Variants in NEMF observed in about 807,000 individuals in gnomAD.
The protein encoded by NEMF is nuclear export mediator factor.
Under a neutral mutation model 162.2 loss-of-function variants are expected in NEMF, and 89 were observed. The ratio of observed to expected loss-of-function variants is 0.55; its 90% confidence interval spans 0.46 to 0.65. The LOEUF (loss-of-function observed/expected upper bound fraction) is 0.65. NEMF is among the 30% of genes least tolerant of loss of function. NEMF has a pLI of 0.00. For synonymous variants in NEMF, 421 were observed against 404.5 expected, an observed-to-expected ratio of 1.04 and a Z score of -0.49; for missense variants, 1,133 against 1,261.9, an observed-to-expected ratio of 0.90 and a Z score of 1.55.
intron 18 of NEMF, 93 bp from the exon 19 acceptor site, chr14:49,806,226 A>ATGTGTG: frequency 7.6e-6 from 1 of 131,480 alleles, no homozygotes; most frequent in African/African-American, 1.2e-4. Flanking sequence ...AGGGTCAATG[A>ATGTGTG]TATGTGTATA....
chr14:49,825,461 C>A (rs1313339353), intron 16 of NEMF, among the ~76,000 whole-genome samples: 1 of 152,160 alleles, frequency 6.6e-6, no homozygotes, highest in Non-Finnish European at 1.5e-5. Flanking sequence ...GGAGAACTAG[C>A]TGAGTGCAGA....
intron 5 of NEMF, among the ~76,000 whole-genome samples, chr14:49,838,497 A>C (rs925322168): frequency 6.6e-6 from 1 of 152,174 alleles, no homozygotes; most frequent in Non-Finnish European, 1.5e-5. Flanking sequence ...TTTTCTGTAA[A>C]AGTTAAATGT....
chr14:49,828,299 C>T lies in NEMF; in HGVS notation c.1480G>A (p.Ala494Thr). 1 of 1,603,076 alleles carries T rather than the reference C, an allele frequency of 6.2e-7. No individual in the cohort carries two copies. Among genetic ancestry groups the T allele is most frequent in the Non-Finnish European group, 8.5e-7 (1 of 1,171,308 alleles). Reference sequence around the variant, plus strand: ...TAAGAAATACTCAGTACCTTCTCAGCAGCTTCAACAGTCTTTTGTGTTTTC... The same window carrying T: ...TAAGAAATACTCAGTACCTTCTCAGTAGCTTCAACAGTCTTTTGTGTTTTC... ...AKKTQKTVEAAEKAFKSAEKK... is the reference protein window; with the variant it reads ...AKKTQKTVEATEKAFKSAEKK... The change falls in exon 15 of 33, where the codon GCT becomes ACT. Residue 494 changes from alanine to threonine, a missense_variant. Coordinates refer to ENST00000298310, the MANE Select transcript of NEMF (RefSeq NM_004713.6).
rs776612277 is a variant in NEMF at position 49,782,961 on chromosome 14, T to G, written c.*1675A>C. 2 of 1,610,322 alleles carry G rather than the reference T, an allele frequency of 1.2e-6. No individual in the cohort carries two copies. Among genetic ancestry groups the G allele is most frequent in the Non-Finnish European group, 1.7e-6 (2 of 1,178,548 alleles). The stretch of plus-strand genomic sequence containing the variant: ...AACACTTCTGGATCTTAAGGCTTCA[T>G]AAATAATGCCTATGATCACCTTGCA... On this transcript the variant is annotated 3_prime_UTR_variant, in exon 33 of 33. Transcript: ENST00000298310.
Position 49,803,237 on chromosome 14 carries a change from C to T in NEMF, c.1915G>A (p.Gly639Arg), listed in dbSNP as rs1891034897. The stretch of plus-strand genomic sequence containing the variant: ...GATATTTTTCCTGTCAAGACATTAC[C>T]TCTTATCATGAAGCTTCCTGTTGTC... Reference protein sequence around the residue: ...YLTTGSFMIRGKKNFLPPSYL... With the variant: ...YLTTGSFMIRRKKNFLPPSYL... The change falls in exon 20 of 33, where the codon GGA becomes AGA. Residue 639 changes from glycine (G) to arginine (R), a missense_variant and splice_region_variant. Around this residue, in one of 3 missense-constraint regions of NEMF, gnomAD observed 532 missense variants for 578.6 expected, o/e 0.92. Coordinates refer to ENST00000298310, the MANE Select transcript of NEMF (RefSeq NM_004713.6). 2 of 1,605,874 alleles carry T rather than the reference C, an allele frequency of 1.2e-6. No homozygotes were observed. The highest frequency in any genetic ancestry group is 1.1e-5 in the South Asian group (1 of 90,866).
chr14:49,817,740 TA>T (rs1404013668), intron 16 of NEMF, among the ~76,000 whole-genome samples: 2 of 152,146 alleles, frequency 1.3e-5, no homozygotes, highest in Non-Finnish European at 2.9e-5. Context: ...ACAAAGTCTT[TA>T]AAAAAACACT....
chr14:49,824,527 A>G (rs1892241922), intron 16 of NEMF, among the ~76,000 whole-genome samples: 1 of 146,820 alleles, frequency 6.8e-6, no homozygotes, highest in Non-Finnish European at 1.5e-5. Flanking sequence ...CTGGGCAATA[A>G]AAGTGAAATT....
intron 4 of NEMF, among the ~76,000 whole-genome samples, chr14:49,841,696 T>C (rs6572622): frequency 0.95 from 144,545 of 152,248 alleles, 69,094 homozygotes; most frequent in Non-Finnish European, 1. Flanking sequence ...AATAGTTACA[T>C]GGCAAGAGCA....
At chr14:49,826,202 A>G (rs560086609) in intron 15 of NEMF, among the ~76,000 whole-genome samples, 3 of 152,286 alleles carry the variant, frequency 2.0e-5, no homozygotes, top group African/African-American at 4.8e-5. Context: ...CCCAAGACCT[A>G]CAAAGTAATA....
At chr14:49,799,154 G>A (rs1890829397) in intron 25 of NEMF, among the ~76,000 whole-genome samples, 1 of 126,130 alleles carries the variant, frequency 7.9e-6, no homozygotes. Context: ...GCTGCAGTGA[G>A]CCATGACTGC....
chr14:49,787,670 T>TG (rs763994011), intron 28 of NEMF, among the ~76,000 whole-genome samples: 2 of 152,124 alleles, frequency 1.3e-5, no homozygotes, highest in Non-Finnish European at 2.9e-5. Flanking sequence ...ATATGAATTG[T>TG]GGGGGGATAT....
intron 18 of NEMF, among the ~76,000 whole-genome samples, chr14:49,807,777 T>TA (rs1378568794): frequency 1.3e-5 from 2 of 151,504 alleles, no homozygotes; most frequent in Non-Finnish European, 2.9e-5. Flanking sequence ...TATATATATA[T>TA]TTTTTTACTA....
chr14:49,784,513 T>C lies in NEMF; in HGVS notation c.*123A>G, dbSNP rs934783583. 6.0e-6 allele frequency: 4 copies of C among 668,350 alleles called. No individual in the cohort carries two copies. The highest frequency in any genetic ancestry group is 7.7e-6 in the Non-Finnish European group (3 of 388,720). 41.4% of individuals were successfully genotyped at this position (668,350 alleles called of 1,614,324 possible). A position where few individuals can be genotyped will look rare whatever the true frequency, so the allele number is the denominator to read the frequency against. On this transcript the variant is annotated 3_prime_UTR_variant, in exon 33 of 33. Transcript: ENST00000298310. ...AAGAAGTAAGTCCTTTTGGTGAATA[T>C]AGCAAGGCAATGTTTAGTTCATTTT...
At chr14:49,786,986 G>C (rs1890208375) in intron 28 of NEMF, 3 of 448,176 alleles carry the variant, frequency 6.7e-6, no homozygotes, top group East Asian at 3.6e-5. Flanking sequence ...AAGAAGGGTA[G>C]TTCTCTGAAG....
intron 18 of NEMF, among the ~76,000 whole-genome samples, chr14:49,808,807 TA>T (rs965641527): frequency 6.6e-6 from 1 of 151,808 alleles, no homozygotes; most frequent in African/African-American, 2.4e-5. Flanking sequence ...ATCTAAAATA[TA>T]AAAAAACTCT....
intron 6 of NEMF, among the ~76,000 whole-genome samples, chr14:49,835,788 G>C (rs1197834154): frequency 2.0e-5 from 3 of 152,032 alleles, no homozygotes. Context: ...AACCCTACTA[G>C]AATGAATAAA....
Position 49,799,463 on chromosome 14 carries a change from A to T in NEMF, c.2465+12T>A, listed in dbSNP as rs1385250623. 1 of 1,598,816 alleles carries T rather than the reference A, an allele frequency of 6.3e-7. No individual in the cohort carries two copies. The highest frequency in any genetic ancestry group is 1.4e-5 in the African/African-American group (1 of 73,932). ...AACATGCTTTTTAGTTAATTAACAC[A>T]GATGTGTTTACCTTCTTTCCTTGGC... is the stretch of plus-strand genomic sequence containing the variant. On this transcript the variant is annotated intron_variant, in intron 25 of 32. Transcript: ENST00000298310.
intron 16 of NEMF, among the ~76,000 whole-genome samples, chr14:49,819,221 TAC>T (rs747613241): frequency 3.9e-5 from 6 of 152,234 alleles, no homozygotes; most frequent in Non-Finnish European, 5.9e-5. Flanking sequence ...GCATGAGGAA[TAC>T]AGTTAACAAT....
In NEMF at chr14:49,850,250, G is replaced by A. The variant is rs1434491994; in HGVS notation, c.231+1313C>T. Among the ~76,000 whole-genome samples, 5 of 152,108 alleles carry A rather than the reference G, an allele frequency of 3.3e-5. No individual in the cohort carries two copies. In the East Asian group the frequency reaches 9.6e-4, roughly 29 times the overall value. ...CCCAAGTAGCTGGAATTACAGGTGT[G>A]TGCCACCACGCCTGGCTAGTAGAGA... On this transcript the variant is annotated intron_variant, in intron 3 of 32. Transcript: ENST00000298310.
Sources: allele counts gnomAD v4.1 joint callset (sites outside exome capture counted in the v4.1 genomes callset), GRCh38; gene constraint gnomAD v4.1.1; regional missense constraint gnomAD v4.1.1; transcripts MANE v1.5; gene names NCBI Gene and HGNC (gene_info 2026-07-23, HGNC 2026-07-21).